SRSF4: variants seen among roughly 807,000 people sequenced by gnomAD.
SRSF4 encodes the protein serine and arginine rich splicing factor 4.
A neutral mutation model predicts 48.8 loss-of-function variants in SRSF4; 12 were observed. The observed-to-expected ratio is 0.25, with a 90% CI of 0.16 to 0.40. The LOEUF (loss-of-function observed/expected upper bound fraction) is 0.40. SRSF4 is among the 10% of genes least tolerant of loss of function. SRSF4 has a pLI of 1.00. For synonymous variants in SRSF4, 248 were observed against 232.5 expected (o/e 1.07, Z -0.61); for missense variants, 466 against 667.1 (o/e 0.70, Z 3.32).
chr1:29,153,128 G>A (rs531818539), intron 4 of SRSF4, among the ~76,000 whole-genome samples: 22 of 151,972 alleles, frequency 1.4e-4, no homozygotes, highest in Non-Finnish European at 2.6e-4. Flanking sequence ...AGGGGGGCAA[G>A]GACCATATTT....
Position 29,154,793 on chromosome 1 carries a change from C to T in SRSF4, c.481G>A (p.Asp161Asn). 6.2e-7 allele frequency: 1 copy of T among 1,614,206 alleles called. No individual in the cohort carries two copies. Among genetic ancestry groups the T allele is most frequent in the Non-Finnish European group, 8.5e-7 (1 of 1,180,028 alleles). Residue 161 changes from aspartate (D) to asparagine (N), a missense_variant, in exon 4 of 6, where the codon GAT becomes AAT. Physicochemically the swap from Asp to Asn is conservative, Grantham distance 23. Coordinates refer to ENST00000373795, the MANE Select transcript of SRSF4 (RefSeq NM_005626.5). ...TTTCTCCCATTGACTTCAGTTCCATCCAACTTTTCCAAAGCTCTTTTCATA... is the reference window on the plus strand; with the variant it reads ...TTTCTCCCATTGACTTCAGTTCCATTCAACTTTTCCAAAGCTCTTTTCATA... ...SDMKRALEKL[D>N]GTEVNGRKIR...
rs1455537438 is a variant in SRSF4, at chr1:29,150,251, T to C, written c.579-59A>G. The C allele has an allele frequency of 3.5e-6, 4 of 1,140,906 alleles. No individual in the cohort carries two copies. In the East Asian group the frequency reaches 9.8e-5, roughly 28 times the overall value. The allele number at this position is 1,140,906 out of a possible 1,614,324, so 70.7% of individuals were successfully genotyped here. A position where few individuals can be genotyped will look rare whatever the true frequency, so the allele number is the denominator to read the frequency against. On this transcript the variant is annotated intron_variant, in intron 4 of 5. Coordinates refer to ENST00000373795, the MANE Select transcript of SRSF4 (RefSeq NM_005626.5). Reference sequence around the variant, plus strand: ...ACAAGAGGCTGCTGATGAGCATCAATCAAGACTATATATATTATATATATA... The same window carrying C: ...ACAAGAGGCTGCTGATGAGCATCAACCAAGACTATATATATTATATATATA...
At chr1:29,162,115 AGACACAC>A (rs1295741978) in intron 1 of SRSF4, among the ~76,000 whole-genome samples, 2 of 152,180 alleles carry the variant, frequency 1.3e-5, no homozygotes, top group Non-Finnish European at 2.9e-5. Context: ...AAATTAACAC[AGACACAC>A]CCGGTTATTT....
Position 29,178,919 on chromosome 1 carries a change from G to T in SRSF4, c.107+2727C>A, listed in dbSNP as rs57684884. 2.1e-3 allele frequency among the ~76,000 whole-genome samples: 320 copies of T among 152,244 alleles called. 2 individuals are homozygous for T. Among genetic ancestry groups the T allele is most frequent in the African/African-American group, 7.1e-3 (294 of 41,544 alleles). On this transcript the variant is annotated intron_variant, in intron 1 of 5. Coordinates refer to ENST00000373795, the MANE Select transcript of SRSF4 (RefSeq NM_005626.5). ...CAATGATGCCAGGAGGTCATATTGTGTGCTGTTTGGTGACTGTCATACCTG... is the reference window on the plus strand; with the variant it reads ...CAATGATGCCAGGAGGTCATATTGTTTGCTGTTTGGTGACTGTCATACCTG...
chr1:29,167,382 G>A (rs559008001), intron 1 of SRSF4, among the ~76,000 whole-genome samples: 18 of 151,340 alleles, frequency 1.2e-4, no homozygotes, highest in African/African-American at 4.2e-4. Flanking sequence ...TCAATTTTAC[G>A]CTTTTTGTTT....
At chr1:29,160,888 T>G (rs1030714395) in intron 1 of SRSF4, among the ~76,000 whole-genome samples, 1 of 152,244 alleles carries the variant, frequency 6.6e-6, no homozygotes, top group Non-Finnish European at 1.5e-5. Flanking sequence ...AAACTCATCT[T>G]TTTTAGCTTT....
At chr1:29,158,297 T>C (rs575961359) in intron 3 of SRSF4, among the ~76,000 whole-genome samples, 11 of 152,316 alleles carry the variant, frequency 7.2e-5, no homozygotes, top group African/African-American at 2.4e-4. Context: ...ATGGGTCAGA[T>C]TGTCAATTTC....
chr1:29,159,521 T>C (rs1672560196), intron 2 of SRSF4, 35 bp from the exon 3 acceptor site: 3 of 1,535,310 alleles, frequency 2.0e-6, no homozygotes, highest in Non-Finnish European at 2.7e-6. Flanking sequence ...ATTATTTCAG[T>C]GGAAGAAAAG....
chr1:29,162,553 C>G (rs1404365331), intron 1 of SRSF4, among the ~76,000 whole-genome samples: 2 of 152,182 alleles, frequency 1.3e-5, no homozygotes, highest in Non-Finnish European at 2.9e-5. Flanking sequence ...ATTTAATTGT[C>G]AAGACCAGTC....
chr1:29,158,440 T>G (rs996992509), intron 3 of SRSF4, among the ~76,000 whole-genome samples: 3 of 151,644 alleles, frequency 2.0e-5, no homozygotes, highest in Non-Finnish European at 2.9e-5. Flanking sequence ...ACCCTTTTTT[T>G]TTTTTTTGAG....
At chr1:29,167,228 T>C (rs898707255) in intron 1 of SRSF4, among the ~76,000 whole-genome samples, 2 of 152,142 alleles carry the variant, frequency 1.3e-5, no homozygotes, top group Non-Finnish European at 2.9e-5. Flanking sequence ...TTTATGTCAC[T>C]CTCTAAACCT....
chr1:29,179,614 G>A (rs894947327), intron 1 of SRSF4, among the ~76,000 whole-genome samples: 2 of 152,154 alleles, frequency 1.3e-5, no homozygotes, highest in African/African-American at 4.8e-5. Context: ...TGGGATTGCA[G>A]GCACAAGTCA....
intron 1 of SRSF4, chr1:29,169,824 T>C (rs1451032420): frequency 6.6e-6 from 1 of 152,220 alleles, no homozygotes; most frequent in African/African-American, 2.4e-5. Flanking sequence ...ATCATTATCC[T>C]AAACACCAAA....
intron 4 of SRSF4, among the ~76,000 whole-genome samples, chr1:29,151,303 G>A (rs1672404657): frequency 6.6e-6 from 1 of 152,140 alleles, no homozygotes; most frequent in Non-Finnish European, 1.5e-5. Flanking sequence ...ATACTAAGAA[G>A]AAACAGATAA....
chr1:29,151,250 T>G (rs1285858626), intron 4 of SRSF4, among the ~76,000 whole-genome samples: 2 of 152,108 alleles, frequency 1.3e-5, no homozygotes, highest in Non-Finnish European at 1.5e-5. Flanking sequence ...AGACCTAACT[T>G]CCAGTATATA....
Position 29,149,180 on chromosome 1 carries a change from G to C in SRSF4, c.715C>G (p.Arg239Gly), listed in dbSNP as rs570905725. The C allele has an allele frequency of 2.5e-6, 4 of 1,611,020 alleles. No homozygotes were observed. The Admixed American group carries it at 6.7e-5, about 27-fold the overall frequency. Residue 239 changes from arginine (R) to glycine (G), a missense_variant, in exon 6 of 6, where the codon CGG becomes GGG. By Grantham distance (125) the Arg-to-Gly change is moderately radical (BLOSUM62 -2). Around this residue, in one of 2 missense-constraint regions of SRSF4, gnomAD observed 402 missense variants for 437.0 expected, o/e 0.92. Coordinates refer to ENST00000373795, the MANE Select transcript of SRSF4 (RefSeq NM_005626.5). ...RSKSRSRSQS[R>G]SRSKKEKSRS... ...CTTTTCTCTTTCTTGCTCCGGCTCC[G>C]ACTCTGGCTCCGGCTCCGGCTCTTG... is the stretch of plus-strand genomic sequence containing the variant.
chr1:29,157,925 T>C (rs1414031834), intron 3 of SRSF4, among the ~76,000 whole-genome samples: 1 of 152,154 alleles, frequency 6.6e-6, no homozygotes, highest in African/African-American at 2.4e-5. Flanking sequence ...ATCCCAGCAC[T>C]TTAGGAGGCC....
intron 1 of SRSF4, among the ~76,000 whole-genome samples, chr1:29,165,201 T>A (rs1452187536): frequency 2.0e-5 from 3 of 152,080 alleles, no homozygotes; most frequent in African/African-American, 7.2e-5. Context: ...GCACCATGAG[T>A]CTTACCAAGT....
chr1:29,180,247 T>C (rs1275407256), intron 1 of SRSF4, among the ~76,000 whole-genome samples: 1 of 152,128 alleles, frequency 6.6e-6, no homozygotes, highest in African/African-American at 2.4e-5. Flanking sequence ...AGCTGGGCTC[T>C]GAAAAAAACT....
Sources: allele counts gnomAD v4.1 joint callset (sites outside exome capture counted in the v4.1 genomes callset), GRCh38; gene constraint gnomAD v4.1.1; regional missense constraint gnomAD v4.1.1; transcripts MANE v1.5; gene names NCBI Gene and HGNC (gene_info 2026-07-23, HGNC 2026-07-21).